The following MFHAS1 variants were observed in gnomAD, a reference collection of about 807,000 sequenced individuals.
The protein encoded by MFHAS1 is multifunctional ROCO family signaling regulator 1, also known as malignant fibrous histiocytoma-amplified sequence 1.
A neutral mutation model predicts 70.4 loss-of-function variants in MFHAS1; 50 were observed. The observed-to-expected ratio is 0.71, with a 90% CI of 0.57 to 0.90. The LOEUF (loss-of-function observed/expected upper bound fraction) is 0.90. Ranked by LOEUF, MFHAS1 falls within the 40% of genes least tolerant of loss-of-function variation. The probability of loss-of-function intolerance (pLI) is 0.00; values close to 1 mark genes in which losing one functional copy is unlikely to be tolerated. For missense variants in MFHAS1, 1,795 were observed against 1,347.6 expected (o/e 1.33, Z -5.20); for synonymous variants, 952 against 620.0 (o/e 1.54, Z -7.96).
rs568393743 is a variant in MFHAS1, at chr8:8,790,443, A to T, written c.3126-4388T>A. On this transcript the variant is annotated intron_variant, in intron 2 of 2. Coordinates refer to ENST00000276282, the MANE Select transcript of MFHAS1 (RefSeq NM_004225.3). ...AGAAAGTATGAAGATACCTAAGCAGAGAGGGAAAAATTCCAGTATCAATGT... is the reference window on the plus strand; with the variant it reads ...AGAAAGTATGAAGATACCTAAGCAGTGAGGGAAAAATTCCAGTATCAATGT... 6.6e-4 allele frequency: 607 copies of T among 915,192 alleles called. 4 individuals carry two copies. In the African/African-American group the frequency reaches 9.9e-3, roughly 15 times the overall value. 56.7% of individuals were successfully genotyped at this position (915,192 alleles called of 1,614,324 possible).
intron 1 of MFHAS1, among the ~76,000 whole-genome samples, chr8:8,882,389 A>AAAAC (rs373389563): frequency 0.024 from 3,603 of 151,900 alleles, 142 homozygotes; most frequent in African/African-American, 0.083. Flanking sequence ...ACTCAGTCTC[A>AAAAC]AAACAAACAA....
chr8:8,809,227 T>C (rs984420681), intron 1 of MFHAS1, among the ~76,000 whole-genome samples: 2 of 152,228 alleles, frequency 1.3e-5, no homozygotes, highest in Non-Finnish European at 2.9e-5. Flanking sequence ...TCATTATCTA[T>C]TACAATGTAA....
chr8:8,803,836 G>C (rs149011093), intron 1 of MFHAS1, among the ~76,000 whole-genome samples: 93 of 152,184 alleles, frequency 6.1e-4, no homozygotes, highest in African/African-American at 2.2e-3. Flanking sequence ...GCGGGGCATC[G>C]TGGCACATGC....
In MFHAS1 at chr8:8,797,454, T is replaced by C. The variant is rs368440891; in HGVS notation, c.3036A>G (p.Ala1012=). 1 of 1,614,040 alleles carries C rather than the reference T, an allele frequency of 6.2e-7. No individual in the cohort carries two copies. The highest frequency in any genetic ancestry group is 8.5e-7 in the Non-Finnish European group (1 of 1,180,018). ...TGCCGTTCTTGGGGCAAATGATCTC[T>C]GCCACTCCTTCCGGTCTGGGCTGAC... ...LLSQPRPEGV[A]EIICPKNGSE... is the part of the protein sequence containing the mutation. Residue 1012 remains alanine, a synonymous_variant, in exon 2 of 3, where the codon GCA becomes GCG. Transcript: ENST00000276282.
At chr8:8,816,649 G>A (rs758231168) in intron 1 of MFHAS1, among the ~76,000 whole-genome samples, 3 of 152,118 alleles carry the variant, frequency 2.0e-5, no homozygotes, top group Admixed American at 1.3e-4. Context: ...GAAGCTCTAC[G>A]CAAACATGTA....
At chr8:8,857,591 T>A (rs573856905) in intron 1 of MFHAS1, among the ~76,000 whole-genome samples, 1 of 151,992 alleles carries the variant, frequency 6.6e-6, no homozygotes, top group Non-Finnish European at 1.5e-5. Flanking sequence ...ACCCCGTCTC[T>A]ACCAAAAAAT....
Position 8,890,718 on chromosome 8 carries a change from GGA to G in MFHAS1, c.2339_2340del (p.Leu780ProfsTer28). On this transcript the variant is annotated frameshift_variant, in exon 1 of 3. Coordinates refer to ENST00000276282, the MANE Select transcript of MFHAS1 (RefSeq NM_004225.3). LOFTEE classifies it high-confidence loss of function. ...ACATACTGATGGAGCTGGGTGGCCC[GGA>G]GCAGTTCCTGGCTGGGGGTGGACCG... ...MARSTPSQEL[L>X]RATQLHQYVE... 2 of 1,613,654 alleles carry G rather than the reference GGA, an allele frequency of 1.2e-6. No homozygotes were observed. Among genetic ancestry groups the G allele is most frequent in the Non-Finnish European group, 1.7e-6 (2 of 1,179,752 alleles).
rs1437489471 is a variant in MFHAS1 at position 8,832,049 on chromosome 8, C to T, written c.2999-34558G>A. ...ATCCTTACTTCAAGGCGCACATGCA[C>T]GCGCGCGCGCGCGCACACACACACA... On this transcript the variant is annotated intron_variant, in intron 1 of 2. Transcript: ENST00000276282. Among the ~76,000 whole-genome samples, 10 of 37,648 alleles carry T rather than the reference C, an allele frequency of 2.7e-4. No homozygotes were observed. In the East Asian group the frequency reaches 6.4e-3, roughly 24 times the overall value. 24.7% of individuals were successfully genotyped at this position (37,648 alleles called of 152,430 possible). A position where few individuals can be genotyped will look rare whatever the true frequency, so the allele number is the denominator to read the frequency against.
At chr8:8,812,956 G>A (rs565465299) in intron 1 of MFHAS1, among the ~76,000 whole-genome samples, 2 of 152,204 alleles carry the variant, frequency 1.3e-5, no homozygotes, top group South Asian at 2.1e-4. Context: ...TAGTAGGGAC[G>A]GGGTTTCACT....
Position 8,784,307 on chromosome 8 carries a change from C to G in MFHAS1, c.*1715G>C, listed in dbSNP as rs1300695006. The G allele has an allele frequency of 6.6e-6, 1 of 152,038 alleles. No individual in the cohort carries two copies. Among genetic ancestry groups the G allele is most frequent in the South Asian group, 2.1e-4 (1 of 4,814 alleles). 9.4% of individuals were successfully genotyped at this position (152,038 alleles called of 1,614,324 possible). A position where few individuals can be genotyped will look rare whatever the true frequency, so the allele number is the denominator to read the frequency against. ...ATGCACACACACACACACGGAGACG[C>G]GCACACACACACGAGAACTGTGACA... is the stretch of plus-strand genomic sequence containing the variant. On this transcript the variant is annotated 3_prime_UTR_variant, in exon 3 of 3. Transcript: ENST00000276282.
At chr8:8,885,223 T>G (rs1016262425) in intron 1 of MFHAS1, among the ~76,000 whole-genome samples, 2 of 152,210 alleles carry the variant, frequency 1.3e-5, no homozygotes, top group Non-Finnish European at 2.9e-5. Flanking sequence ...ATCAAGTTAC[T>G]GAGTAAATGA....
chr8:8,861,886 A>C (rs1459156178), intron 1 of MFHAS1, among the ~76,000 whole-genome samples: 1 of 152,214 alleles, frequency 6.6e-6, no homozygotes, highest in East Asian at 1.9e-4. Flanking sequence ...ATGTCGCTTT[A>C]TCAGTAGTTC....
intron 1 of MFHAS1, among the ~76,000 whole-genome samples, chr8:8,829,500 G>C (rs908470922): frequency 6.6e-6 from 1 of 152,174 alleles, no homozygotes; most frequent in Admixed American, 6.5e-5. Flanking sequence ...GGCCAACATG[G>C]TGAAACCCCA....
At chr8:8,791,727 G>A (rs1805725673) in intron 2 of MFHAS1, among the ~76,000 whole-genome samples, 1 of 152,282 alleles carries the variant, frequency 6.6e-6, no homozygotes, top group African/African-American at 2.4e-5. Flanking sequence ...GTATAGGTTT[G>A]CCCTATCTTT....
intron 1 of MFHAS1, chr8:8,821,711 G>A (rs1458876981): frequency 2.0e-5 from 3 of 152,162 alleles, no homozygotes; most frequent in African/African-American, 2.4e-5. Flanking sequence ...CAGATACTAC[G>A]CAGGTTTTCC....
At chr8:8,867,528 A>C (rs995134964) in intron 1 of MFHAS1, among the ~76,000 whole-genome samples, 1 of 152,092 alleles carries the variant, frequency 6.6e-6, no homozygotes, top group Non-Finnish European at 1.5e-5. Flanking sequence ...CACGCCAATA[A>C]GCTAATGATA....
intron 2 of MFHAS1, among the ~76,000 whole-genome samples, chr8:8,786,908 G>C (rs899770032): frequency 1.3e-5 from 2 of 151,514 alleles, no homozygotes; most frequent in Admixed American, 6.6e-5. Context: ...TGATAATAAC[G>C]ACATCACCAA....
At chr8:8,852,937 T>TA (rs1460775328) in intron 1 of MFHAS1, among the ~76,000 whole-genome samples, 1 of 152,162 alleles carries the variant, frequency 6.6e-6, no homozygotes, top group Non-Finnish European at 1.5e-5. Flanking sequence ...TGCATTTCCA[T>TA]AAGAACATTT....
In MFHAS1 at chr8:8,890,125, G is replaced by A. The variant is rs1426318052; in HGVS notation, c.2934C>T (p.Tyr978=). Residue 978 remains tyrosine, a synonymous_variant, in exon 1 of 3, where the codon TAC becomes TAT. Transcript: ENST00000276282. Reference sequence around the variant, plus strand: ...ACTTAGAACAGAGAATGTGCACGGTGTAGTGCAGTCCAGGCCATTCCTGAA... The same window carrying A: ...ACTTAGAACAGAGAATGTGCACGGTATAGTGCAGTCCAGGCCATTCCTGAA... ...VLLQEWPGLH[Y]TVHILCSKCL... The A allele has an allele frequency of 1.9e-6, 3 of 1,614,022 alleles. No homozygotes were observed. The highest frequency in any genetic ancestry group is 1.7e-5 in the Admixed American group (1 of 59,988).
Sources: gnomAD v4.1 joint callset for allele counts (sites outside exome capture counted in the v4.1 genomes callset) on GRCh38, gnomAD v4.1.1 for gene constraint, MANE v1.5 for transcripts, NCBI Gene and HGNC (gene_info 2026-07-23, HGNC 2026-07-21) for gene names.